PCDH19: variants seen among roughly 807,000 people sequenced by gnomAD.
PCDH19 encodes the protein protocadherin-19.
In PCDH19, 6 loss-of-function variants were observed where a neutral mutation model predicts 46.2. The observed-to-expected ratio is 0.13, with a 90% confidence interval of 0.07 to 0.26. PCDH19 has a LOEUF of 0.26. PCDH19 is among the 10% of genes least tolerant of loss of function. The probability of loss-of-function intolerance (pLI) is 1.00; values close to 1 mark genes in which losing one functional copy is unlikely to be tolerated. For synonymous variants in PCDH19, 481 were observed against 415.7 expected, an observed-to-expected ratio of 1.16 and a Z score of -1.91; for missense variants, 740 against 972.3, an observed-to-expected ratio of 0.76 and a Z score of 3.18.
At position 100,293,725 on chromosome X, in the gene PCDH19, A is replaced by T. The variant is rs919385006; in HGVS notation, c.*2552T>A. On this transcript the variant is annotated 3_prime_UTR_variant, in exon 6 of 6. Transcript: ENST00000373034. ...CTCAGTGAGGTTTGGAAGCCAAAAA[A>T]ATCTGACTGCCCACTGAGAACAAAG... 1 of 111,953 alleles carries T rather than the reference A, an allele frequency of 8.9e-6. No individual in the cohort carries two copies. The highest frequency in any genetic ancestry group is 9.5e-5 in the Admixed American group (1 of 10,559). 9.2% of individuals were successfully genotyped at this position (111,953 alleles called of 1,213,427 possible). A position where few individuals can be genotyped will look rare whatever the true frequency, so the allele number is the denominator to read the frequency against.
intron 3 of PCDH19, among the ~76,000 whole-genome samples, chrX:100,385,309 G>A (rs1261193477): frequency 9.0e-6 from 1 of 111,204 alleles, no homozygotes; most frequent in Non-Finnish European, 1.9e-5. Flanking sequence ...CACTGTCAGT[G>A]GGAGTACACA....
intron 3 of PCDH19, among the ~76,000 whole-genome samples, chrX:100,370,024 G>A (rs1043221287): frequency 9.0e-6 from 1 of 111,489 alleles, no homozygotes; most frequent in East Asian, 2.8e-4. Flanking sequence ...GATTGGTGCT[G>A]GGTTGGAACT....
Position 100,296,716 on chromosome X carries a change from T to G in PCDH19, c.3008A>C (p.Glu1003Ala), listed in dbSNP as rs1378243235. ...GGTGGGGCCGCAGTCGTCATAAGCCTCGACATCAGCAGCAGTAGCTTCAAT... is the reference window on the plus strand; with the variant it reads ...GGTGGGGCCGCAGTCGTCATAAGCCGCGACATCAGCAGCAGTAGCTTCAAT... ...LSIEATAADV[E>A]AYDDCGPTKR... is the part of the protein sequence containing the mutation. The change falls in exon 6 of 6, where the codon GAG becomes GCG. Residue 1003 changes from glutamate (E) to alanine (A), a missense_variant. This residue lies in a region of PCDH19 where 416 missense variants were observed against 476.8 expected (regional missense o/e 0.87). Coordinates refer to ENST00000373034, the MANE Select transcript of PCDH19 (RefSeq NM_001184880.2). The G allele has an allele frequency of 1.7e-6, 2 of 1,209,227 alleles. No homozygotes were observed. The highest frequency in any genetic ancestry group is 1.8e-5 in the South Asian group (1 of 56,702).
At chrX:100,399,522 A>G (rs961491405) in intron 3 of PCDH19, among the ~76,000 whole-genome samples, 1 of 112,143 alleles carries the variant, frequency 8.9e-6, no homozygotes, top group African/African-American at 3.2e-5. Context: ...TGAATGAACA[A>G]ATCAATCATC....
chrX:100,340,791 C>G (rs1323649653), intron 5 of PCDH19, among the ~76,000 whole-genome samples: 2 of 111,812 alleles, frequency 1.8e-5, no homozygotes, highest in Admixed American at 9.5e-5. Context: ...ACATTTTTTC[C>G]TTTGGACTTA....
chrX:100,344,426 A>C (rs913789129), intron 4 of PCDH19, among the ~76,000 whole-genome samples: 30 of 111,265 alleles, frequency 2.7e-4, no homozygotes, highest in African/African-American at 7.2e-4. Flanking sequence ...CACAGTTTAA[A>C]TAGATGTAAA....
intron 3 of PCDH19, among the ~76,000 whole-genome samples, chrX:100,355,488 T>C (rs1225083459): frequency 1.8e-5 from 2 of 111,528 alleles, no homozygotes; most frequent in Admixed American, 9.5e-5. Context: ...CAAAAGTAGC[T>C]TTTCTTCCAT....
intron 4 of PCDH19, among the ~76,000 whole-genome samples, chrX:100,348,082 A>G (rs1304416955): frequency 1.5e-4 from 16 of 107,758 alleles, no homozygotes; most frequent in Admixed American, 2.0e-4. Flanking sequence ...AAAAAAAAAA[A>G]AAAAGAAAGA....
intron 2 of PCDH19, 82 bp downstream of exon 2, chrX:100,403,442 T>C (rs1928254253): frequency 1.0e-6 from 1 of 980,139 alleles, no homozygotes. Flanking sequence ...CCCGGTTCCC[T>C]TTTACTCACC....
At position 100,371,884 on chromosome X, in the gene PCDH19, C is replaced by A. The variant is rs62601552; in HGVS notation, c.2617-21180G>T. On this transcript the variant is annotated intron_variant, in intron 3 of 5. Transcript: ENST00000373034. ...CACACACACACACACACACACACAC[C>A]CACACAAAACTTAAAAATACTAAAT... Among the ~76,000 whole-genome samples the A allele has an allele frequency of 5.0e-3, 445 of 88,981 alleles. 1 individual carries two copies. The highest frequency in any genetic ancestry group is 6.6e-3 in the Admixed American group (54 of 8,207). 77.3% of individuals were successfully genotyped at this position (88,981 alleles called of 115,157 possible).
intron 5 of PCDH19, among the ~76,000 whole-genome samples, chrX:100,310,331 A>G (rs1273858988): frequency 1.8e-5 from 2 of 111,074 alleles, no homozygotes; most frequent in Admixed American, 1.9e-4. Context: ...GTACATAAGT[A>G]TAAATCATTT....
At chrX:100,321,532 A>AT (rs1176472470) in intron 5 of PCDH19, among the ~76,000 whole-genome samples, 1 of 111,129 alleles carries the variant, frequency 9.0e-6, no homozygotes, top group East Asian at 2.8e-4. Context: ...GATGTTGAGC[A>AT]TTTTTTCATA....
At chrX:100,315,602 C>T (rs1006345758) in intron 5 of PCDH19, among the ~76,000 whole-genome samples, 22 of 112,257 alleles carry the variant, frequency 2.0e-4, no homozygotes, top group Non-Finnish European at 2.4e-4. Flanking sequence ...CTGTCTGTTC[C>T]GCCCACCAAA....
chrX:100,330,019 T>A (rs1925827581), intron 5 of PCDH19, among the ~76,000 whole-genome samples: 1 of 112,734 alleles, frequency 8.9e-6, no homozygotes, highest in African/African-American at 3.2e-5. Flanking sequence ...TGGTTCAGCA[T>A]CAACATTTGA....
chrX:100,309,181 C>CACACACACACAG (rs1569287919), intron 5 of PCDH19, among the ~76,000 whole-genome samples: 1 of 109,809 alleles, frequency 9.1e-6, no homozygotes, highest in East Asian at 2.9e-4. Context: ...CACACACACA[C>CACACACACACAG]CATGGAAATA....
At chrX:100,363,304 C>CAA (rs60114664) in intron 3 of PCDH19, among the ~76,000 whole-genome samples, 1 of 60,987 alleles carries the variant, frequency 1.6e-5, no homozygotes, top group Middle Eastern at 0.013. Context: ...AACTCCATCT[C>CAA]AAAAAAAAAA....
At chrX:100,331,750 TTCTC>T (rs951217755) in intron 5 of PCDH19, among the ~76,000 whole-genome samples, 1 of 111,357 alleles carries the variant, frequency 9.0e-6, no homozygotes, top group East Asian at 2.8e-4. Flanking sequence ...CATTCCCTCA[TTCTC>T]TCTCTCTCCT....
chrX:100,385,133 T>A (rs1413843950), intron 3 of PCDH19, among the ~76,000 whole-genome samples: 5 of 96,764 alleles, frequency 5.2e-5, no homozygotes, highest in Non-Finnish European at 1.0e-4. Flanking sequence ...CACTCAGACC[T>A]GGGCGACAGA....
chrX:100,410,235 C>A lies in PCDH19; in HGVS notation c.-1638G>T, dbSNP rs372185931. 8.7e-4 allele frequency: 258 copies of A among 297,401 alleles called. 1 individual carries two copies. The East Asian group carries it at 0.012, about 13-fold the overall frequency. 24.5% of individuals were successfully genotyped at this position (297,401 alleles called of 1,213,427 possible). Reference sequence around the variant, plus strand: ...CTCCGCGCTGCGCCAGCCGCCGCCGCTACTGCTGCTGCTGCTCCTCCGGAT... The same window carrying A: ...CTCCGCGCTGCGCCAGCCGCCGCCGATACTGCTGCTGCTGCTCCTCCGGAT... On this transcript the variant is annotated 5_prime_UTR_variant, in exon 1 of 6. Coordinates refer to ENST00000373034, the MANE Select transcript of PCDH19 (RefSeq NM_001184880.2).
Sources: allele counts gnomAD v4.1 joint callset (sites outside exome capture counted in the v4.1 genomes callset), GRCh38; gene constraint gnomAD v4.1.1; regional missense constraint gnomAD v4.1.1; transcripts MANE v1.5; gene names NCBI Gene and HGNC (gene_info 2026-07-23, HGNC 2026-07-21).